The following TRPM8 variants were observed in gnomAD, a reference collection of about 807,000 sequenced individuals.
TRPM8 encodes the protein transient receptor potential cation channel subfamily M member 8, also known as TRPM8 cationic channel.
In TRPM8, 110 loss-of-function variants were observed where a neutral mutation model predicts 133.7. The observed-to-expected ratio is 0.82, with a 90% CI of 0.70 to 0.96. TRPM8 has a LOEUF of 0.96. Ranked by LOEUF, TRPM8 falls within the 40% of genes least tolerant of loss-of-function variation. The pLI is 0.00. For synonymous variants in TRPM8, 535 were observed against 532.3 expected (o/e 1.01, Z -0.07); for missense variants, 1,291 against 1,379.5 (o/e 0.94, Z 1.02).
At chr2:233,947,788 C>A (rs1281649001) in intron 8 of TRPM8, among the ~76,000 whole-genome samples, 1 of 152,138 alleles carries the variant, frequency 6.6e-6, no homozygotes, top group Non-Finnish European at 1.5e-5. Flanking sequence ...CCACTTGAAT[C>A]AAAACCTTTT....
At chr2:233,940,585 T>G (rs547131176) in intron 5 of TRPM8, among the ~76,000 whole-genome samples, 1 of 152,092 alleles carries the variant, frequency 6.6e-6, no homozygotes, top group Non-Finnish European at 1.5e-5. Context: ...TGAAGTGAAG[T>G]GATTGAGGAA....
chr2:233,992,778 C>T (rs1051631309), intron 21 of TRPM8, among the ~76,000 whole-genome samples: 1 of 152,188 alleles, frequency 6.6e-6, no homozygotes, highest in African/African-American at 2.4e-5. Context: ...TAAGAACCAT[C>T]TCAGATGGGG....
intron 2 of TRPM8, among the ~76,000 whole-genome samples, chr2:233,927,936 C>CTCTT (rs1559516722): frequency 2.2e-4 from 12 of 55,766 alleles, no homozygotes; most frequent in Non-Finnish European, 2.9e-4. Flanking sequence ...CTCTCTCTCT[C>CTCTT]TCTCTCTCTC....
chr2:233,953,763 T>A lies in TRPM8; in HGVS notation c.1141-154T>A. The A allele has an allele frequency of 5.2e-6, 3 of 581,986 alleles. No homozygotes were observed. In the South Asian group the frequency reaches 6.5e-5, roughly 13 times the overall value. The allele number at this position is 581,986 out of a possible 1,614,324, so 36.1% of individuals were successfully genotyped here. On this transcript the variant is annotated intron_variant, in intron 9 of 25. Coordinates refer to ENST00000324695, the MANE Select transcript of TRPM8 (RefSeq NM_024080.5). ...TATAACCAATACTTTATTCTCACTG[T>A]AGTCAAGGACTCATTGCAATTCAGA...
At chr2:233,961,537 C>T (rs534414470) in intron 12 of TRPM8, among the ~76,000 whole-genome samples, 58 of 152,008 alleles carry the variant, frequency 3.8e-4, no homozygotes, top group African/African-American at 6.0e-4. Flanking sequence ...AACTCCTCTC[C>T]GCGTGATCTG....
chr2:233,999,602 C>G (rs1048770732), intron 22 of TRPM8, among the ~76,000 whole-genome samples: 2 of 152,240 alleles, frequency 1.3e-5, no homozygotes, highest in African/African-American at 2.4e-5. Context: ...ATGCCTCCCC[C>G]ACCCAATGCT....
At chr2:233,982,968 A>G (rs1228155128) in intron 19 of TRPM8, 85 bp from the exon 20 acceptor site, 6 of 1,459,900 alleles carry the variant, frequency 4.1e-6, no homozygotes, top group Non-Finnish European at 5.6e-6. Flanking sequence ...GCTCTTCTCC[A>G]TGGTCCACTG....
intron 11 of TRPM8, among the ~76,000 whole-genome samples, chr2:233,958,914 G>A (rs556327501): frequency 5.9e-5 from 9 of 152,144 alleles, no homozygotes; most frequent in African/African-American, 1.9e-4. Context: ...GGGAGGAGTG[G>A]TGGGGACTGT....
Position 234,014,591 on chromosome 2 carries a change from G to A in TRPM8, c.3294G>A (p.Glu1098=). 6.4e-7 allele frequency: 1 copy of A among 1,553,076 alleles called. No homozygotes were observed. The highest frequency in any genetic ancestry group is 1.4e-5 in the African/African-American group (1 of 71,456). Residue 1098 remains glutamate (E), a synonymous_variant, in exon 25 of 26, where the codon GAG becomes GAA. Transcript: ENST00000324695. ...ATGATCTCAAGGGTCTTCTGAAAGA[G>A]ATTGCTAATAAAATCAAATAAAACT... ...KLNDLKGLLK[E]IANKIK is the part of the protein sequence containing the mutation.
chr2:233,955,245 T>C lies in TRPM8; in HGVS notation c.1357T>C (p.Trp453Arg), dbSNP rs1354632013. ...TGAGATTTTCACCAATGACCGCCGA[T>C]GGGAGGTAAGCACGAAGCTCTCCTG... Reference protein sequence around the residue: ...NDEIFTNDRRWESADLQEVMF... With the variant: ...NDEIFTNDRRRESADLQEVMF... Residue 453 changes from tryptophan to arginine, a missense_variant, in exon 11 of 26, where the codon TGG (tryptophan) becomes CGG (arginine). Around this residue, in one of 2 missense-constraint regions of TRPM8, gnomAD observed 963 missense variants for 968.9 expected, o/e 0.99. Coordinates refer to ENST00000324695, the MANE Select transcript of TRPM8 (RefSeq NM_024080.5). 1 of 1,613,344 alleles carries C rather than the reference T, an allele frequency of 6.2e-7. No individual in the cohort carries two copies. Among genetic ancestry groups the C allele is most frequent in the Admixed American group, 1.7e-5 (1 of 60,022 alleles).
In TRPM8 at chr2:233,927,750, CTTTCTTTCT is replaced by C. The variant is rs1559515918; in HGVS notation, c.117+1099_117+1107del. Among the ~76,000 whole-genome samples the C allele has an allele frequency of 9.2e-5, 6 of 65,258 alleles. No homozygotes were observed. The African/African-American group carries it at 1.3e-3, about 14-fold the overall frequency. 42.8% of individuals were successfully genotyped at this position (65,258 alleles called of 152,430 possible). On this transcript the variant is annotated intron_variant, in intron 2 of 25. Coordinates refer to ENST00000324695, the MANE Select transcript of TRPM8 (RefSeq NM_024080.5). ...TCTTTCTTTCTTTCTTTCTTTCTTT[CTTTCTTTCT>C]TTCTTTCTTTCTTTCTTTCTTTCTT...
At chr2:233,940,972 CCAGAAAATGG>C (rs1364279838) in intron 5 of TRPM8, among the ~76,000 whole-genome samples, 1 of 152,088 alleles carries the variant, frequency 6.6e-6, no homozygotes, top group African/African-American at 2.4e-5. Context: ...GGACACCTGT[CCAGAAAATGG>C]CAGGTGTTAG....
rs757061068 is a variant in TRPM8 at position 233,939,005 on chromosome 2, G to A, written c.356G>A (p.Arg119His). The A allele has an allele frequency of 4.3e-6, 7 of 1,614,186 alleles. No homozygotes were observed. The highest frequency in any genetic ancestry group is 4.2e-6 in the Non-Finnish European group (5 of 1,180,036). Residue 119 changes from arginine to histidine, a missense_variant, in exon 5 of 26, where the codon CGT becomes CAT. Arg to His is a conservative substitution (Grantham distance 29). Transcript: ENST00000324695. The stretch of plus-strand genomic sequence containing the variant: ...CTGCTTCTCTCCCCATAGTATATAC[G>A]TCTGTCCTGCGACACGGACGCGGAA... ...ETLGKKGKYI[R>H]LSCDTDAEIL...
intron 18 of TRPM8, among the ~76,000 whole-genome samples, chr2:233,981,546 C>A (rs139188803): frequency 5.5e-4 from 83 of 152,148 alleles, no homozygotes; most frequent in African/African-American, 2.0e-3. Context: ...TCCGAGAGCT[C>A]AGTTTGGTGA....
chr2:233,953,820 G>A, intron 9 of TRPM8, 97 bp from the exon 10 acceptor site: 2 of 806,456 alleles, frequency 2.5e-6, no homozygotes, highest in South Asian at 3.6e-5. Flanking sequence ...TCCACTACAG[G>A]TGGTCTTTTT....
chr2:234,009,676 T>A (rs907622420), intron 24 of TRPM8, among the ~76,000 whole-genome samples: 2 of 152,152 alleles, frequency 1.3e-5, no homozygotes, highest in Middle Eastern at 3.2e-3. Flanking sequence ...TCTCTTTTTT[T>A]AAAATTTCCC....
chr2:234,000,809 G>T (rs1248627266), intron 22 of TRPM8, among the ~76,000 whole-genome samples: 1 of 152,080 alleles, frequency 6.6e-6, no homozygotes, highest in Non-Finnish European at 1.5e-5. Context: ...ATCCCGAGTA[G>T]CTGGGATTAC....
chr2:234,016,581 C>T (rs559875880), intron 25 of TRPM8, among the ~76,000 whole-genome samples: 69 of 152,262 alleles, frequency 4.5e-4, no homozygotes, highest in Middle Eastern at 3.4e-3. Flanking sequence ...GGAGCTGACC[C>T]TGGGGGCAAG....
intron 21 of TRPM8, among the ~76,000 whole-genome samples, chr2:233,993,077 G>C (rs188663076): frequency 6.6e-6 from 1 of 152,344 alleles, no homozygotes; most frequent in East Asian, 1.9e-4. Context: ...ATATGGGTCA[G>C]CTGTACCTCG....
Sources: allele counts gnomAD v4.1 joint callset (sites outside exome capture counted in the v4.1 genomes callset), GRCh38; gene constraint gnomAD v4.1.1; regional missense constraint gnomAD v4.1.1; transcripts MANE v1.5; gene names NCBI Gene and HGNC (gene_info 2026-07-23, HGNC 2026-07-21).